The following KCNMB2 variants were observed in gnomAD, a reference collection of about 807,000 sequenced individuals.
The protein encoded by KCNMB2 is calcium-activated potassium channel subunit beta-2.
In KCNMB2, 9 loss-of-function variants were observed where a neutral mutation model predicts 24.5. The observed-to-expected ratio is 0.37, with a 90% CI of 0.22 to 0.64. KCNMB2 has a LOEUF of 0.64. Ranked by LOEUF, KCNMB2 falls within the 30% of genes least tolerant of loss-of-function variation. The pLI, the probability that KCNMB2 is intolerant of heterozygous loss-of-function variation, is 0.63. For synonymous variants in KCNMB2, 109 were observed against 104.4 expected (o/e 1.04, Z -0.27); for missense variants, 226 against 284.3 (o/e 0.79, Z 1.47).
At chr3:178,642,989 C>G (rs1011962693) in intron 1 of KCNMB2, among the ~76,000 whole-genome samples, 1 of 152,198 alleles carries the variant, frequency 6.6e-6, no homozygotes, top group Non-Finnish European at 1.5e-5. Flanking sequence ...GTCAGTTATT[C>G]TTTTACATAG....
chr3:178,713,644 G>T (rs772434108), intron 1 of KCNMB2, among the ~76,000 whole-genome samples: 1 of 152,040 alleles, frequency 6.6e-6, no homozygotes, highest in Non-Finnish European at 1.5e-5. Flanking sequence ...CACCCCCATA[G>T]GTATGGTCTC....
intron 1 of KCNMB2, among the ~76,000 whole-genome samples, chr3:178,662,757 T>C: frequency 1.3e-5 from 2 of 152,246 alleles, no homozygotes; most frequent in Admixed American, 1.3e-4. Flanking sequence ...ATATAAAATA[T>C]AATTATAACT....
chr3:178,545,848 C>T (rs1386739308), intron 1 of KCNMB2, among the ~76,000 whole-genome samples: 2 of 151,940 alleles, frequency 1.3e-5, no homozygotes, highest in Non-Finnish European at 1.5e-5. Context: ...AAAATAATAC[C>T]TAATTTTAGA....
At chr3:178,561,406 G>A (rs1015804632) in intron 1 of KCNMB2, among the ~76,000 whole-genome samples, 2 of 152,048 alleles carry the variant, frequency 1.3e-5, no homozygotes, top group Non-Finnish European at 2.9e-5. Context: ...CATGAAAGCT[G>A]TGTGGAGTTG....
chr3:178,817,218 T>TATATATATATATATATATATACAC lies in KCNMB2; in HGVS notation c.57-8361_57-8360insTATATATATATACACATATATATA, dbSNP rs147866886. Among the ~76,000 whole-genome samples, 90 of 134,924 alleles carry TATATATATATATATATATATACAC rather than the reference T, an allele frequency of 6.7e-4. 1 individual carries two copies. The Admixed American group carries it at 6.7e-3, about 10-fold the overall frequency. 88.5% of individuals were successfully genotyped at this position (134,924 alleles called of 152,430 possible). ...GACAAAATCCTTCATGTTAATGACA[T>TATATATATATATATATATATACAC]ATATATATAAATGAAGTGTGACTGT... On this transcript the variant is annotated intron_variant, in intron 2 of 4. Transcript: ENST00000452583.
chr3:178,721,586 A>C (rs1722807683), intron 1 of KCNMB2, among the ~76,000 whole-genome samples: 1 of 151,870 alleles, frequency 6.6e-6, no homozygotes, highest in Non-Finnish European at 1.5e-5. Flanking sequence ...TGGAATGAAA[A>C]CCCCAGAGCG....
intron 1 of KCNMB2, chr3:178,757,245 CACAT>C (rs1195306739): frequency 7.0e-6 from 1 of 142,084 alleles, no homozygotes; most frequent in East Asian, 2.0e-4. Flanking sequence ...CACACATACA[CACAT>C]ATATATATAC....
chr3:178,731,959 A>G (rs890186652), intron 1 of KCNMB2, among the ~76,000 whole-genome samples: 8 of 152,168 alleles, frequency 5.3e-5, no homozygotes, highest in Non-Finnish European at 1.2e-4. Context: ...ATATACAGGA[A>G]GTACAGGGGA....
Position 178,677,291 on chromosome 3 carries a change from C to T in KCNMB2, c.-67-130052C>T, listed in dbSNP as rs918259926. On this transcript the variant is annotated intron_variant, in intron 1 of 4. Transcript: ENST00000452583. ...TACATATTTATATCTCTTTTCCTAA[C>T]GAAAACACCAGACACCATAAGGAGG... Among the ~76,000 whole-genome samples the T allele has an allele frequency of 5.9e-5, 9 of 152,244 alleles. No homozygotes were observed. In the South Asian group the frequency reaches 8.3e-4, roughly 14 times the overall value.
chr3:178,747,899 T>C lies in KCNMB2; in HGVS notation c.-67-59444T>C, dbSNP rs557982438. On this transcript the variant is annotated intron_variant, in intron 1 of 4. Coordinates refer to ENST00000452583, the MANE Select transcript of KCNMB2 (RefSeq NM_181361.3). ...ACCCTGAACCAGTTTTCTGTTGCTG[T>C]AGGCAGGAAAGTTACTTGGTTGAAA... 7.2e-5 allele frequency among the ~76,000 whole-genome samples: 11 copies of C among 152,322 alleles called. No homozygotes were observed. In the South Asian group the frequency reaches 1.0e-3, roughly 14 times the overall value.
At chr3:178,786,172 T>C (rs1713091488) in intron 1 of KCNMB2, among the ~76,000 whole-genome samples, 1 of 152,174 alleles carries the variant, frequency 6.6e-6, no homozygotes, top group East Asian at 1.9e-4. Context: ...TTCAGTATGC[T>C]GGTTTCCTTC....
At chr3:178,806,434 A>C (rs888996917) in intron 1 of KCNMB2, among the ~76,000 whole-genome samples, 1 of 152,138 alleles carries the variant, frequency 6.6e-6, no homozygotes, top group African/African-American at 2.4e-5. Flanking sequence ...TTCCCATCTC[A>C]TGCTTATCAT....
At chr3:178,752,301 G>A (rs536811457) in intron 1 of KCNMB2, among the ~76,000 whole-genome samples, 5 of 152,222 alleles carry the variant, frequency 3.3e-5, no homozygotes, top group African/African-American at 1.2e-4. Flanking sequence ...ATTGAGCTGC[G>A]CCTTTAAGAA....
At chr3:178,621,190 T>A (rs552859861) in intron 1 of KCNMB2, among the ~76,000 whole-genome samples, 1 of 152,284 alleles carries the variant, frequency 6.6e-6, no homozygotes, top group African/African-American at 2.4e-5. Flanking sequence ...TGAATTCACA[T>A]GATAGCAGTG....
At chr3:178,653,078 CT>C (rs1321341148) in intron 1 of KCNMB2, among the ~76,000 whole-genome samples, 1 of 152,008 alleles carries the variant, frequency 6.6e-6, no homozygotes, top group Admixed American at 6.5e-5. Context: ...TTATTAACAC[CT>C]TTACAACATC....
chr3:178,557,186 G>T (rs953652847), intron 1 of KCNMB2, among the ~76,000 whole-genome samples: 2 of 152,056 alleles, frequency 1.3e-5, no homozygotes, highest in Admixed American at 1.3e-4. Flanking sequence ...TTCTGATCAG[G>T]ATTATTTACT....
chr3:178,743,711 G>A (rs7621730), intron 1 of KCNMB2, among the ~76,000 whole-genome samples: 4,450 of 152,270 alleles, frequency 0.029, 220 homozygotes, highest in African/African-American at 0.1. Context: ...AAACACAAAA[G>A]CTTGAGCAGA....
At chr3:178,562,034 C>T (rs140218001) in intron 1 of KCNMB2, among the ~76,000 whole-genome samples, 16 of 152,274 alleles carry the variant, frequency 1.1e-4, no homozygotes, top group African/African-American at 3.1e-4. Flanking sequence ...CAATTAGTGA[C>T]AGCTCGTGAA....
intron 1 of KCNMB2, among the ~76,000 whole-genome samples, chr3:178,578,866 T>C (rs7637718): frequency 0.36 from 54,548 of 151,946 alleles, 10,165 homozygotes; most frequent in African/African-American, 0.48. Flanking sequence ...GCAAACAGAT[T>C]CATAAAGCAA....
Sources: allele counts gnomAD v4.1 joint callset (sites outside exome capture counted in the v4.1 genomes callset), GRCh38; gene constraint gnomAD v4.1.1; transcripts MANE v1.5; gene names NCBI Gene and HGNC (gene_info 2026-07-23, HGNC 2026-07-21).